CARD9: variants seen among roughly 807,000 people sequenced by gnomAD.
The protein encoded by CARD9 is caspase recruitment domain family member 9.
CARD9 carries 53 observed loss-of-function variants against 66.0 expected under a neutral mutation model. That is an observed-to-expected ratio of 0.80 (90% CI 0.64 to 1.01). CARD9 has a LOEUF of 1.01. CARD9 is among the 50% of genes least tolerant of loss of function. The pLI, the probability that CARD9 is intolerant of heterozygous loss-of-function variation, is 0.00. For missense variants in CARD9, 769 were observed against 743.2 expected (o/e 1.03, Z -0.40); for synonymous variants, 387 against 313.8 (o/e 1.23, Z -2.47).
At chr9:136,366,558 C>T (rs755878662) in intron 10 of CARD9, 1 of 581,458 alleles carries the variant, frequency 1.7e-6, no homozygotes, top group Non-Finnish European at 3.1e-6. Context: ...CAGACCCCCA[C>T]ACTCTCCACC....
intron 1 of CARD9, among the ~76,000 whole-genome samples, chr9:136,372,797 C>T (rs1833307202): frequency 1.3e-5 from 2 of 152,222 alleles, no homozygotes; most frequent in South Asian, 2.1e-4. Flanking sequence ...TCTCTGTCAC[C>T]CCCTGCCGGC....
chr9:136,366,710 A>G, intron 10 of CARD9, 90 bp downstream of exon 10: 1 of 1,375,362 alleles, frequency 7.3e-7, no homozygotes, highest in Non-Finnish European at 1.0e-6. Context: ...GGGTTGACAC[A>G]GGCATTGCGG....
Position 136,370,370 on chromosome 9 carries a change from C to A in CARD9, c.875G>T (p.Arg292Leu), listed in dbSNP as rs143263677. ...GGTGTTGGCCTGCTCCTGGTGGTCC[C>A]GCAGCGCCTGCCGCCAGTCCTCCTC... ...VLEEDWRQAL[R>L]DHQEQANTIF... The change falls in exon 6 of 13, where the codon CGG (arginine) becomes CTG (leucine). Residue 292 changes from arginine to leucine, a missense_variant. Physicochemically the swap from Arg to Leu is moderately radical, Grantham distance 102 (BLOSUM62 -2). Transcript: ENST00000371732. 121 of 1,609,594 alleles carry A rather than the reference C, an allele frequency of 7.5e-5. No homozygotes were observed. The highest frequency in any genetic ancestry group is 9.7e-5 in the Non-Finnish European group (114 of 1,178,996).
chr9:136,370,964 G>A lies in CARD9; in HGVS notation c.504C>T (p.Cys168=), dbSNP rs757473624. Residue 168 remains cysteine, a synonymous_variant, in exon 4 of 13, where the codon TGC becomes TGT. Transcript: ENST00000371732. ...GCTTGAGCTCGCGGCTGCCGGCCTC[G>A]CACTCCTCCTTGAGCCTCTGCACAC... ...QERVQRLKEE[C]EAGSRELKRC... 1.7e-5 allele frequency: 28 copies of A among 1,610,388 alleles called. No individual in the cohort carries two copies. The highest frequency in any genetic ancestry group is 1.7e-4 in the Middle Eastern group (1 of 6,060).
Position 136,364,203 on chromosome 9 carries a change from G to A in CARD9, c.*99C>T, listed in dbSNP as rs774509943. ...ATTCCTCGTTCCAGGCCAAGTCAGC[G>A]ACGGCTCGGGGAAGTCTGCGCCCCA... On this transcript the variant is annotated 3_prime_UTR_variant, in exon 13 of 13. Coordinates refer to ENST00000371732, the MANE Select transcript of CARD9 (RefSeq NM_052813.5). The A allele has an allele frequency of 1.3e-6, 2 of 1,550,544 alleles. No individual in the cohort carries two copies. The highest frequency in any genetic ancestry group is 2.4e-5 in the East Asian group (1 of 41,042).
intron 7 of CARD9, among the ~76,000 whole-genome samples, chr9:136,368,446 C>T (rs1030373812): frequency 1.2e-4 from 18 of 152,340 alleles, no homozygotes; most frequent in Admixed American, 1.1e-3. Context: ...GTGGGCCAGG[C>T]GCGAGTGAGG....
At chr9:136,367,403 T>A (rs1435511860) in intron 8 of CARD9, 146 bp from the exon 9 acceptor site, 4 of 1,044,870 alleles carry the variant, frequency 3.8e-6, no homozygotes, top group Non-Finnish European at 5.6e-6. Flanking sequence ...CAGAACAACC[T>A]GCTAGGCTGC....
In CARD9 at chr9:136,371,136, C is replaced by T. The variant is rs371695061; in HGVS notation, c.332G>A (p.Gly111Glu). ...CAGCAGCTGAGTCAGGCCTGACTCC[C>T]CGGACGCGTCTGTGGGCCAGGCCAG... ...RVFSMIIDAS[G>E]ESGLTQLLMT... The change falls in exon 4 of 13, where the codon GGG becomes GAG. Residue 111 changes from glycine (G) to glutamate (E), a missense_variant. Gly to Glu is a moderately conservative substitution (Grantham distance 98). Coordinates refer to ENST00000371732, the MANE Select transcript of CARD9 (RefSeq NM_052813.5). 3.7e-6 allele frequency: 6 copies of T among 1,612,244 alleles called. No homozygotes were observed. Among genetic ancestry groups the T allele is most frequent in the Non-Finnish European group, 5.1e-6 (6 of 1,179,860 alleles).
In CARD9 at chr9:136,367,185, C is replaced by T. The variant is rs369256900; in HGVS notation, c.1311+31G>A. The stretch of plus-strand genomic sequence containing the variant: ...AGCCAGGACCCCAGGTGAAGGAAGG[C>T]CAGCCTCGTGCTGGCTGGGGTCTCA... On this transcript the variant is annotated intron_variant, in intron 9 of 12. Transcript: ENST00000371732. The T allele has an allele frequency of 1.6e-5, 26 of 1,607,706 alleles. No individual in the cohort carries two copies. In the South Asian group the frequency reaches 1.8e-4, roughly 11 times the overall value.
chr9:136,366,372 C>T (rs1833124046), intron 10 of CARD9: 1 of 218,668 alleles, frequency 4.6e-6, no homozygotes, highest in East Asian at 1.1e-4. Flanking sequence ...CTCGCCCCAT[C>T]TTCTAGCTTC....
At chr9:136,369,254 C>T (rs935810554) in intron 7 of CARD9, among the ~76,000 whole-genome samples, 2 of 152,148 alleles carry the variant, frequency 1.3e-5, no homozygotes, top group African/African-American at 4.8e-5. Flanking sequence ...CCACGTCCAG[C>T]CAAGCTTTTT....
rs765525446 is a variant in CARD9 at position 136,370,387 on chromosome 9, GTCC to G, written c.855_857del (p.Glu285del). On this transcript the variant is annotated inframe_deletion, in exon 6 of 13. Transcript: ENST00000371732. Reference sequence around the variant, plus strand: ...GGTGGTCCCGCAGCGCCTGCCGCCAGTCCTCCTCCAGTACCTGGATGTAGGGGC... The same window carrying G: ...GGTGGTCCCGCAGCGCCTGCCGCCAGTCCTCCAGTACCTGGATGTAGGGGC... 7 of 1,611,082 alleles carry G rather than the reference GTCC, an allele frequency of 4.3e-6. No homozygotes were observed. Among genetic ancestry groups the G allele is most frequent in the African/African-American group, 2.7e-5 (2 of 74,890 alleles).
chr9:136,369,630 C>A, intron 7 of CARD9, 120 bp downstream of exon 7: 2 of 1,515,158 alleles, frequency 1.3e-6, no homozygotes, highest in Non-Finnish European at 1.8e-6. Flanking sequence ...CATAGCAAGA[C>A]CCCATCTCAA....
intron 11 of CARD9, 75 bp from the exon 12 acceptor site, chr9:136,364,634 G>C (rs1410182571): frequency 1.4e-6 from 2 of 1,427,000 alleles, no homozygotes; most frequent in African/African-American, 2.8e-5. Context: ...CCCCCCACTG[G>C]CCCCTGTAAC....
chr9:136,370,315 CT>C lies in CARD9; in HGVS notation c.929del (p.Gln310ArgfsTer52). On this transcript the variant is annotated frameshift_variant, in exon 6 of 13. Coordinates refer to ENST00000371732, the MANE Select transcript of CARD9 (RefSeq NM_052813.5). LOFTEE classifies it high-confidence loss of function. ...CTACCCGGAGGCGTCGGGCCTCGCCCTGGCGGAGGTCCTTGCGCAGGGAGAA... is the reference window on the plus strand; with the variant it reads ...CTACCCGGAGGCGTCGGGCCTCGCCCGGCGGAGGTCCTTGCGCAGGGAGAA... ...TIFSLRKDLR[Q>X]GEARRLRCME... 1 of 1,606,840 alleles carries C rather than the reference CT, an allele frequency of 6.2e-7. No individual in the cohort carries two copies. The highest frequency in any genetic ancestry group is 8.5e-7 in the Non-Finnish European group (1 of 1,179,082).
rs1040324141 is a variant in CARD9 at position 136,371,910 on chromosome 9, G to A, written c.169C>T (p.Arg57Cys). Reference protein sequence around the residue: ...QVLSDPNLVIRKRKVGVLLDI... With the variant: ...QVLSDPNLVICKRKVGVLLDI... Reference sequence around the variant, plus strand: ...CAACACTGACCCACTTTCCGTTTGCGGATGACCAGGTTGGGGTCGCTGAGC... The same window carrying A: ...CAACACTGACCCACTTTCCGTTTGCAGATGACCAGGTTGGGGTCGCTGAGC... Residue 57 changes from arginine to cysteine, a missense_variant, in exon 2 of 13, where the codon CGC becomes TGC. Arg to Cys is a radical substitution (Grantham distance 180). Transcript: ENST00000371732. 2.5e-6 allele frequency: 4 copies of A among 1,603,912 alleles called. No homozygotes were observed. Among genetic ancestry groups the A allele is most frequent in the African/African-American group, 1.3e-5 (1 of 74,884 alleles).
At chr9:136,369,672 C>G in intron 7 of CARD9, 78 bp downstream of exon 7, 9 of 1,536,910 alleles carry the variant, frequency 5.9e-6, no homozygotes, top group Non-Finnish European at 7.0e-6. Flanking sequence ...AATCCTCTGA[C>G]AACTGCCCTC....
In CARD9 at chr9:136,370,371, G is replaced by A. The variant is rs372651415; in HGVS notation, c.874C>T (p.Arg292Trp). Residue 292 changes from arginine to tryptophan, a missense_variant, in exon 6 of 13, where the codon CGG (arginine) becomes TGG (tryptophan). Arg to Trp is a moderately radical substitution (Grantham distance 101). Transcript: ENST00000371732. ...GTGTTGGCCTGCTCCTGGTGGTCCC[G>A]CAGCGCCTGCCGCCAGTCCTCCTCC... ...VLEEDWRQAL[R>W]DHQEQANTIF... 18 of 1,609,380 alleles carry A rather than the reference G, an allele frequency of 1.1e-5. No homozygotes were observed. Among genetic ancestry groups the A allele is most frequent in the Admixed American group, 1.7e-5 (1 of 59,774 alleles).
At chr9:136,371,767 C>CA (rs1451723214) in intron 2 of CARD9, 128 bp downstream of exon 2, 2 of 1,455,188 alleles carry the variant, frequency 1.4e-6, no homozygotes, top group Non-Finnish European at 1.9e-6. Flanking sequence ...GGGCCTCAGT[C>CA]AGAGGCCAGG....
Sources: allele counts gnomAD v4.1 joint callset (sites outside exome capture counted in the v4.1 genomes callset), GRCh38; gene constraint gnomAD v4.1.1; transcripts MANE v1.5; gene names NCBI Gene and HGNC (gene_info 2026-07-23, HGNC 2026-07-21).